PRELID2: variants seen among roughly 807,000 people sequenced by gnomAD.
PRELID2 encodes the protein PRELI domain-containing protein 2.
A neutral mutation model predicts 28.4 loss-of-function variants in PRELID2; 25 were observed. That is an observed-to-expected ratio of 0.88 (90% CI 0.64 to 1.23). The LOEUF (loss-of-function observed/expected upper bound fraction) is 1.23, where lower values mean the gene tolerates loss of function less well. PRELID2 is among the 50% of genes most tolerant of loss of function. PRELID2 has a pLI of 0.00. For missense variants in PRELID2, 201 were observed against 214.4 expected, an observed-to-expected ratio of 0.94 and a Z score of 0.39; for synonymous variants, 76 against 71.6, an observed-to-expected ratio of 1.06 and a Z score of -0.31.
At chr5:145,812,859 T>C (rs908171249) in intron 4 of PRELID2, among the ~76,000 whole-genome samples, 11 of 152,180 alleles carry the variant, frequency 7.2e-5, no homozygotes, top group African/African-American at 2.7e-4. Flanking sequence ...GAAGACAATG[T>C]CGGATAAAAT....
At chr5:145,790,767 C>T (rs929106627) in intron 5 of PRELID2, among the ~76,000 whole-genome samples, 4 of 136,082 alleles carry the variant, frequency 2.9e-5, no homozygotes, top group East Asian at 2.1e-4. Flanking sequence ...CATTGTATCC[C>T]GTAAATATAT....
intron 5 of PRELID2, among the ~76,000 whole-genome samples, chr5:145,793,948 G>A (rs1041709547): frequency 1.3e-5 from 2 of 152,098 alleles, no homozygotes; most frequent in African/African-American, 2.4e-5. Flanking sequence ...GGTCCATGTG[G>A]TCATGGCAGA....
chr5:145,353,911 G>A, the PRELID2 span, among the ~76,000 whole-genome samples: 2 of 152,076 alleles, frequency 1.3e-5, no homozygotes, highest in Non-Finnish European at 2.9e-5. Flanking sequence ...TCACTAACTT[G>A]GCTAATTTGT....
the PRELID2 span, among the ~76,000 whole-genome samples, chr5:145,336,521 A>T: frequency 1.8e-4 from 28 of 151,916 alleles, no homozygotes; most frequent in Admixed American, 1.7e-3. Context: ...CACCATTTAT[A>T]AAATAGGGAA....
rs550909282 is a variant in PRELID2 at position 145,585,712 on chromosome 5, G to A, written n.71-112397C>T. ...AACAGGTTAACCAAGTCTGCAAAGG[G>A]ACCTTTTTTTAATAGAGTGAGCAAA... On this transcript the variant is annotated intron_variant and non_coding_transcript_variant, in intron 1 of 2. Coordinates refer to the PRELID2 transcript ENST00000510259. 2.2e-4 allele frequency among the ~76,000 whole-genome samples: 34 copies of A among 152,166 alleles called. 1 individual carries two copies. In the South Asian group the frequency reaches 6.6e-3, roughly 30 times the overall value.
chr5:145,465,523 T>C, the PRELID2 span, among the ~76,000 whole-genome samples: 1 of 152,098 alleles, frequency 6.6e-6, no homozygotes, highest in African/African-American at 2.4e-5. Flanking sequence ...ACTCAGGAAT[T>C]AAGCTGCCTG....
chr5:145,828,884 G>A (rs992993331), intron 1 of PRELID2, among the ~76,000 whole-genome samples: 3 of 119,542 alleles, frequency 2.5e-5, no homozygotes, highest in East Asian at 2.7e-4. Flanking sequence ...TGTCATCCAC[G>A]CTGGAGTGCA....
At chr5:145,390,198 A>G in the PRELID2 span, among the ~76,000 whole-genome samples, 3 of 152,238 alleles carry the variant, frequency 2.0e-5, no homozygotes, top group African/African-American at 7.2e-5. Flanking sequence ...CAGTTGAAGC[A>G]TGAAGGATTA....
chr5:145,467,323 C>G (rs913476344), downstream of PRELID2, among the ~76,000 whole-genome samples: 6 of 152,118 alleles, frequency 3.9e-5, no homozygotes, highest in Non-Finnish European at 7.4e-5. Flanking sequence ...ATACACCACA[C>G]AGAGTTTTCT....
the PRELID2 span, among the ~76,000 whole-genome samples, chr5:145,355,871 C>T: frequency 6.6e-6 from 1 of 152,084 alleles, no homozygotes; most frequent in Non-Finnish European, 1.5e-5. Flanking sequence ...CTTTATGTAG[C>T]ACAAGCCTAC....
At chr5:145,365,509 A>C in the PRELID2 span, among the ~76,000 whole-genome samples, 2 of 151,960 alleles carry the variant, frequency 1.3e-5, no homozygotes, top group African/African-American at 4.8e-5. Context: ...TGGGTATTTA[A>C]AAAGAAATTT....
intron 1 of PRELID2, among the ~76,000 whole-genome samples, chr5:145,573,019 A>G (rs144815710): frequency 2.0e-5 from 3 of 152,218 alleles, no homozygotes; most frequent in Non-Finnish European, 4.4e-5. Context: ...ATAGCCCAAC[A>G]AGCTACCCTC....
At chr5:145,804,928 G>T (rs1753395533) in intron 4 of PRELID2, among the ~76,000 whole-genome samples, 1 of 152,148 alleles carries the variant, frequency 6.6e-6, no homozygotes, top group Non-Finnish European at 1.5e-5. Context: ...ACTCACAGCT[G>T]GTGTTGATTG....
chr5:145,229,660 A>G, the PRELID2 span: 2 of 816,388 alleles, frequency 2.4e-6, no homozygotes, highest in Non-Finnish European at 4.3e-6. Flanking sequence ...CAAGGTATCT[A>G]CCAGACCCCA....
chr5:145,438,148 G>GA, the PRELID2 span, among the ~76,000 whole-genome samples: 6 of 151,928 alleles, frequency 3.9e-5, no homozygotes, highest in African/African-American at 1.2e-4. Flanking sequence ...CTGCCTATCA[G>GA]AAAAAAAGTT....
At chr5:145,655,322 G>A (rs1380390590) in intron 1 of PRELID2, among the ~76,000 whole-genome samples, 1 of 152,112 alleles carries the variant, frequency 6.6e-6, no homozygotes, top group East Asian at 1.9e-4. Flanking sequence ...TGGCCGTACT[G>A]CCCAAGGTAA....
the PRELID2 span, among the ~76,000 whole-genome samples, chr5:145,458,622 T>A: frequency 6.6e-6 from 1 of 152,156 alleles, no homozygotes; most frequent in African/African-American, 2.4e-5. Flanking sequence ...CTAGAATTCA[T>A]AGGACATCCT....
In PRELID2 at chr5:145,765,932, G is replaced by T. The variant is rs1232937166; in HGVS notation, c.475-932C>A. 3.3e-5 allele frequency among the ~76,000 whole-genome samples: 5 copies of T among 152,162 alleles called. No individual in the cohort carries two copies. The East Asian group carries it at 9.6e-4, about 29-fold the overall frequency. ...ATTAAATAATAAAGCCAGGGAAACA[G>T]CACAGGCACCCTCTTCCTTTTCAAA... On this transcript the variant is annotated intron_variant, in intron 5 of 6. Transcript: ENST00000683046.
chr5:145,322,173 A>G, the PRELID2 span, among the ~76,000 whole-genome samples: 25 of 152,372 alleles, frequency 1.6e-4, no homozygotes, highest in Non-Finnish European at 1.9e-4. Context: ...ATTATCTGAG[A>G]ATAAGGTTAA....
Sources: gnomAD v4.1 joint callset for allele counts (sites outside exome capture counted in the v4.1 genomes callset) on GRCh38, gnomAD v4.1.1 for gene constraint, MANE v1.5 for transcripts, NCBI Gene and HGNC (gene_info 2026-07-23, HGNC 2026-07-21) for gene names.